The following NECAB2 variants were observed in gnomAD, a reference collection of about 807,000 sequenced individuals.
NECAB2 encodes the protein N-terminal EF-hand calcium-binding protein 2.
A neutral mutation model predicts 51.9 loss-of-function variants in NECAB2; 68 were observed. The observed-to-expected ratio is 1.31, with a 90% CI of 1.08 to 1.60. The LOEUF is 1.60. Among genes scored for constraint, NECAB2 ranks in the 40% most tolerant of loss-of-function variants. The probability of loss-of-function intolerance (pLI) is 0.00; values close to 1 mark genes in which losing one functional copy is unlikely to be tolerated. For missense variants in NECAB2, 854 were observed against 490.3 expected, an observed-to-expected ratio of 1.74 and a Z score of -7.00; for synonymous variants, 329 against 203.5, an observed-to-expected ratio of 1.62 and a Z score of -5.25.
chr16:84,000,390 G>A (rs550651055), intron 10 of NECAB2, among the ~76,000 whole-genome samples: 310 of 151,312 alleles, frequency 2.0e-3, no homozygotes, highest in Middle Eastern at 6.8e-3. Context: ...GAATTAGGCC[G>A]AGTGGTGCAC....
rs1308467752 is a variant in NECAB2, at chr16:83,975,000, G to C, written c.226+2825G>C. Among the ~76,000 whole-genome samples, 3 of 133,500 alleles carry C rather than the reference G, an allele frequency of 2.2e-5. No individual in the cohort carries two copies. The East Asian group carries it at 6.7e-4, about 30-fold the overall frequency. 87.6% of individuals were successfully genotyped at this position (133,500 alleles called of 152,430 possible). Reference sequence around the variant, plus strand: ...CAGGGAGGTGTGGGTGCGGGAATGTGAACCGGTGTGCAGGGATGAGAGCAG... The same window carrying C: ...CAGGGAGGTGTGGGTGCGGGAATGTCAACCGGTGTGCAGGGATGAGAGCAG... On this transcript the variant is annotated intron_variant, in intron 2 of 12. Coordinates refer to ENST00000305202, the MANE Select transcript of NECAB2 (RefSeq NM_019065.3).
In NECAB2 at chr16:83,998,298, G is replaced by A; in HGVS notation, c.943G>A (p.Gly315Ser). Residue 315 changes from glycine (G) to serine (S), a missense_variant, in exon 10 of 13, where the codon GGC becomes AGC. Transcript: ENST00000305202. ...SLRQYLRGTTGVRNCFHITAV... is the reference protein window; with the variant it reads ...SLRQYLRGTTSVRNCFHITAV... The stretch of plus-strand genomic sequence containing the variant: ...GCGCCAGTATCTGCGGGGGACCACT[G>A]GCGTGAGGAACTGCTTCCAGTGAGT... 3.1e-6 allele frequency: 5 copies of A among 1,613,534 alleles called. No homozygotes were observed. Among genetic ancestry groups the A allele is most frequent in the East Asian group, 4.5e-5 (2 of 44,872 alleles).
chr16:83,973,326 C>A (rs553092999), intron 2 of NECAB2, among the ~76,000 whole-genome samples: 1 of 152,208 alleles, frequency 6.6e-6, no homozygotes, highest in Non-Finnish European at 1.5e-5. Flanking sequence ...CCACCCAGGG[C>A]GGTTGCAGGG....
intron 8 of NECAB2, among the ~76,000 whole-genome samples, chr16:83,996,511 C>T (rs1029464907): frequency 2.3e-4 from 35 of 152,164 alleles, no homozygotes; most frequent in African/African-American, 8.2e-4. Flanking sequence ...GATGGTCTGT[C>T]CTCATGGAGG....
intron 11 of NECAB2, 127 bp from the exon 12 acceptor site, chr16:84,001,698 G>C (rs2084839460): frequency 2.1e-6 from 2 of 953,742 alleles, no homozygotes; most frequent in African/African-American, 1.7e-5. Context: ...CAAAGGCTCT[G>C]AGTCCAAAGA....
Position 83,999,720 on chromosome 16 carries a change from G to C in NECAB2, c.963-1004G>C, listed in dbSNP as rs114302244. Among the ~76,000 whole-genome samples the C allele has an allele frequency of 2.3e-3, 346 of 152,186 alleles. 2 individuals are homozygous for C. Among genetic ancestry groups the C allele is most frequent in the African/African-American group, 7.2e-3 (299 of 41,514 alleles). On this transcript the variant is annotated intron_variant, in intron 10 of 12. Transcript: ENST00000305202. ...GGCCCCTGGGTCCCATAGAGCAATG[G>C]GGGACTTGCCTGCAGCCCCTTCCTC...
At position 84,002,041 on chromosome 16, in the gene NECAB2, A is replaced by C. The variant is rs1597235734; in HGVS notation, c.1132+125A>C. 2.0e-5 allele frequency: 24 copies of C among 1,179,826 alleles called. No individual in the cohort carries two copies. The East Asian group carries it at 6.1e-4, about 30-fold the overall frequency. 73.1% of individuals were successfully genotyped at this position (1,179,826 alleles called of 1,614,324 possible). A position where few individuals can be genotyped will look rare whatever the true frequency, so the allele number is the denominator to read the frequency against. On this transcript the variant is annotated intron_variant, in intron 12 of 12. Transcript: ENST00000305202. ...TGTGGGCCCACTGTCAGCTCCTGCC[A>C]CCAATGCCAGGCTCAGAGCCAGCCC...
At chr16:83,976,428 C>T (rs892794674) in intron 2 of NECAB2, among the ~76,000 whole-genome samples, 2 of 152,158 alleles carry the variant, frequency 1.3e-5, no homozygotes, top group Admixed American at 6.5e-5. Context: ...GGAGTGAGTC[C>T]GTGGAAGGTA....
intron 5 of NECAB2, among the ~76,000 whole-genome samples, chr16:83,987,441 G>A (rs1016737953): frequency 4.6e-5 from 7 of 152,124 alleles, no homozygotes; most frequent in African/African-American, 1.7e-4. Flanking sequence ...TTATATAATG[G>A]TACGTAGTTG....
upstream of NECAB2, among the ~76,000 whole-genome samples, chr16:83,966,507 C>A (rs999238143): frequency 6.6e-6 from 1 of 152,030 alleles, no homozygotes; most frequent in African/African-American, 2.4e-5. Flanking sequence ...AGTGTGGGGG[C>A]AGTTGAGCGG....
rs148944553 is a variant in NECAB2 at position 83,998,235 on chromosome 16, G to A, written c.880G>A (p.Val294Met). Residue 294 changes from valine to methionine, a missense_variant, in exon 10 of 13, where the codon GTG (valine) becomes ATG (methionine). Val to Met is a conservative substitution (Grantham distance 21). Coordinates refer to ENST00000305202, the MANE Select transcript of NECAB2 (RefSeq NM_019065.3). ...HLQLVRQEMAVCPEQLSEFLD... is the reference protein window; with the variant it reads ...HLQLVRQEMAMCPEQLSEFLD... Reference sequence around the variant, plus strand: ...GCAGCTGGTCCGGCAGGAGATGGCCGTGTGCCCCGAGCAACTGAGCGAGTT... The same window carrying A: ...GCAGCTGGTCCGGCAGGAGATGGCCATGTGCCCCGAGCAACTGAGCGAGTT... The A allele has an allele frequency of 1.3e-5, 21 of 1,611,784 alleles. No homozygotes were observed. Among genetic ancestry groups the A allele is most frequent in the Middle Eastern group, 1.6e-4 (1 of 6,084 alleles).
chr16:83,996,578 C>T (rs943265580), intron 8 of NECAB2, among the ~76,000 whole-genome samples: 3 of 151,436 alleles, frequency 2.0e-5, no homozygotes, highest in East Asian at 1.9e-4. Context: ...AAGGAAGCAG[C>T]AGCATGAGCC....
chr16:83,998,972 C>T (rs918844569), intron 10 of NECAB2, among the ~76,000 whole-genome samples: 1 of 152,010 alleles, frequency 6.6e-6, no homozygotes, highest in Admixed American at 6.5e-5. Flanking sequence ...TGGTAGTGGT[C>T]CCCCGCCCCC....
rs2084856887 is a variant in NECAB2, at chr16:84,002,418, G to A, written c.*72G>A. 2 of 1,540,866 alleles carry A rather than the reference G, an allele frequency of 1.3e-6. No homozygotes were observed. Among genetic ancestry groups the A allele is most frequent in the Non-Finnish European group, 1.8e-6 (2 of 1,115,532 alleles). ...GTGAAGGAAATCCCGTTTTTTTCTA[G>A]ACAGACACTTTGGTGCAGAAGCTTC... On this transcript the variant is annotated 3_prime_UTR_variant, in exon 13 of 13. Transcript: ENST00000305202.
intron 10 of NECAB2, among the ~76,000 whole-genome samples, chr16:84,000,184 G>A (rs72793649): frequency 0.021 from 3,163 of 152,228 alleles, 47 homozygotes; most frequent in South Asian, 0.04. Context: ...TTACAGGCGT[G>A]AACCATCACA....
At chr16:83,966,304 G>A, upstream of NECAB2, 1 of 455,956 alleles carries the variant, frequency 2.2e-6, no homozygotes, top group East Asian at 3.5e-5. Flanking sequence ...TCCAGAAGCA[G>A]GTCCCAAATA....
chr16:83,968,829 G>T lies in NECAB2; in HGVS notation c.181G>T (p.Gly61Cys). 8.9e-7 allele frequency: 1 copy of T among 1,127,566 alleles called. No individual in the cohort carries two copies. Among genetic ancestry groups the T allele is most frequent in the Non-Finnish European group, 1.1e-6 (1 of 921,866 alleles). 69.8% of individuals were successfully genotyped at this position (1,127,566 alleles called of 1,614,324 possible). A position where few individuals can be genotyped will look rare whatever the true frequency, so the allele number is the denominator to read the frequency against. ...ADPGPASPRGGTAVILDIFRR... is the reference protein window; with the variant it reads ...ADPGPASPRGCTAVILDIFRR... Reference sequence around the variant, plus strand: ...CCCCGGCCCAGCCTCGCCGCGCGGGGGCACCGCCGTCATCCTGGACGTGAG... The same window carrying T: ...CCCCGGCCCAGCCTCGCCGCGCGGGTGCACCGCCGTCATCCTGGACGTGAG... The change falls in exon 1 of 13, where the codon GGC (glycine) becomes TGC (cysteine). Residue 61 changes from glycine to cysteine, a missense_variant. By Grantham distance (159) the Gly-to-Cys change is radical. Coordinates refer to ENST00000305202, the MANE Select transcript of NECAB2 (RefSeq NM_019065.3).
Position 84,000,708 on chromosome 16 carries a change from C to CCAT in NECAB2, c.963-14_963-12dup, listed in dbSNP as rs1567681131. 6.2e-7 allele frequency: 1 copy of CCAT among 1,613,508 alleles called. No individual in the cohort carries two copies. The highest frequency in any genetic ancestry group is 1.1e-5 in the South Asian group (1 of 91,062). ...TTGAGCTCCAGCCTCCTCCCCCCGA[C>CCAT]CATCTCCTGTTGCAGCATCACTGCC... On this transcript the variant is annotated splice_polypyrimidine_tract_variant and intron_variant, in intron 10 of 12. Coordinates refer to ENST00000305202, the MANE Select transcript of NECAB2 (RefSeq NM_019065.3).
intron 6 of NECAB2, among the ~76,000 whole-genome samples, chr16:83,991,363 CTTTTCTT>C: frequency 7.9e-6 from 1 of 126,494 alleles, no homozygotes; most frequent in Non-Finnish European, 1.5e-5. Context: ...CTTTTCTTTT[CTTTTCTT>C]TTTTTTTTTT....
Sources: allele counts gnomAD v4.1 joint callset (sites outside exome capture counted in the v4.1 genomes callset), GRCh38; gene constraint gnomAD v4.1.1; transcripts MANE v1.5; gene names NCBI Gene and HGNC (gene_info 2026-07-23, HGNC 2026-07-21).